GPATCH2L: variants seen among roughly 807,000 people sequenced by gnomAD.
The protein encoded by GPATCH2L is G patch domain-containing protein 2-like.
GPATCH2L carries 31 observed loss-of-function variants against 57.4 expected under a neutral mutation model. The observed-to-expected ratio is 0.54, with a 90% CI of 0.41 to 0.73. The LOEUF is 0.73. GPATCH2L is among the 30% of genes least tolerant of loss of function. The probability of loss-of-function intolerance (pLI) is 0.00; values close to 1 mark genes in which losing one functional copy is unlikely to be tolerated. For synonymous variants in GPATCH2L, 199 were observed against 210.7 expected, an observed-to-expected ratio of 0.94 and a Z score of 0.48; for missense variants, 481 against 599.9, an observed-to-expected ratio of 0.80 and a Z score of 2.07.
At chr14:76,198,069 A>G (rs745871402) in intron 9 of GPATCH2L, among the ~76,000 whole-genome samples, 1 of 146,558 alleles carries the variant, frequency 6.8e-6, no homozygotes, top group African/African-American at 2.5e-5. Flanking sequence ...TACTAATAGT[A>G]ACAAAAGGCC....
rs2038144870 is a variant in GPATCH2L at position 76,153,359 on chromosome 14, A to G, written c.-10-995A>G. 2.0e-5 allele frequency among the ~76,000 whole-genome samples: 3 copies of G among 152,256 alleles called. No individual in the cohort carries two copies. The South Asian group carries it at 6.2e-4, about 31-fold the overall frequency. On this transcript the variant is annotated intron_variant, in intron 1 of 9. Coordinates refer to ENST00000261530, the MANE Select transcript of GPATCH2L (RefSeq NM_017926.4). ...ATTAAATATTTCCCCTTAAGGGGGA[A>G]TTTTGAAGATTGCTCCTACTACTGT... is the stretch of plus-strand genomic sequence containing the variant.
At position 76,212,427 on chromosome 14, in the gene GPATCH2L, G is replaced by A. The variant is rs762320631; in HGVS notation, c.*10576G>A. On this transcript the variant is annotated 3_prime_UTR_variant, in exon 10 of 10. Transcript: ENST00000261530. ...AAAAAAAAAAACCAAAAAAAACCAC[G>A]ACATAATGCTAAAGGGTGTGACTCA... The A allele has an allele frequency of 1.3e-5, 2 of 151,374 alleles. No homozygotes were observed. The highest frequency in any genetic ancestry group is 2.4e-5 in the African/African-American group (1 of 41,278). 9.4% of individuals were successfully genotyped at this position (151,374 alleles called of 1,614,324 possible). A position where few individuals can be genotyped will look rare whatever the true frequency, so the allele number is the denominator to read the frequency against.
intron 3 of GPATCH2L, among the ~76,000 whole-genome samples, chr14:76,167,007 G>A (rs2038873211): frequency 6.6e-6 from 1 of 152,114 alleles, no homozygotes; most frequent in Admixed American, 6.5e-5. Context: ...GGTCTAGGTG[G>A]TCAGAGTGTT....
intron 5 of GPATCH2L, chr14:76,174,016 C>A (rs1045452260): frequency 4.3e-6 from 1 of 234,364 alleles, no homozygotes; most frequent in Non-Finnish European, 8.1e-6. Flanking sequence ...TAATTTTGGT[C>A]TTTCATCCTA....
Position 76,208,802 on chromosome 14 carries a change from T to C in GPATCH2L, c.*6951T>C, listed in dbSNP as rs1193929302. The C allele has an allele frequency of 1.3e-5, 2 of 152,246 alleles. No homozygotes were observed. The highest frequency in any genetic ancestry group is 2.4e-5 in the African/African-American group (1 of 41,444). 9.4% of individuals were successfully genotyped at this position (152,246 alleles called of 1,614,324 possible). A position where few individuals can be genotyped will look rare whatever the true frequency, so the allele number is the denominator to read the frequency against. On this transcript the variant is annotated 3_prime_UTR_variant, in exon 10 of 10. Transcript: ENST00000261530. Reference sequence around the variant, plus strand: ...GTACCACTAAGGTATACTGCCCTTATCTGCACTCTGTCCATTCTGCAGTCT... The same window carrying C: ...GTACCACTAAGGTATACTGCCCTTACCTGCACTCTGTCCATTCTGCAGTCT...
At chr14:76,162,030 C>G (rs555016787) in intron 2 of GPATCH2L, among the ~76,000 whole-genome samples, 9 of 152,052 alleles carry the variant, frequency 5.9e-5, no homozygotes, top group Non-Finnish European at 1.0e-4. Context: ...AGCGAGACTC[C>G]GTCTCAAAAA....
At chr14:76,162,898 G>A (rs916122566) in intron 2 of GPATCH2L, among the ~76,000 whole-genome samples, 2 of 152,122 alleles carry the variant, frequency 1.3e-5, no homozygotes, top group Non-Finnish European at 2.9e-5. Flanking sequence ...TGCTGATAAG[G>A]GATAGTAGTC....
chr14:76,223,124 A>G (rs1008155499), intron 1 of GPATCH2L, among the ~76,000 whole-genome samples: 12 of 152,210 alleles, frequency 7.9e-5, no homozygotes, highest in Non-Finnish European at 4.4e-5. Context: ...AAGAAAAATA[A>G]TTCCCAATTC....
At chr14:76,152,770 GTTT>G in intron 1 of GPATCH2L, 1 of 455,708 alleles carries the variant, frequency 2.2e-6, no homozygotes, top group South Asian at 1.5e-5. Flanking sequence ...TCTGCCTGAG[GTTT>G]TTATTTGTTC....
chr14:76,185,176 G>C (rs2139745167), intron 8 of GPATCH2L, among the ~76,000 whole-genome samples: 1 of 152,302 alleles, frequency 6.6e-6, no homozygotes, highest in East Asian at 1.9e-4. Flanking sequence ...TGGATTGTTG[G>C]CTGGGTGTGT....
At chr14:76,185,320 C>T (rs866961973) in intron 8 of GPATCH2L, among the ~76,000 whole-genome samples, 29 of 152,254 alleles carry the variant, frequency 1.9e-4, no homozygotes, top group South Asian at 6.2e-4. Context: ...GTGTGATTGG[C>T]GTTCTGGTAG....
chr14:76,163,541 A>T (rs1446024136), intron 2 of GPATCH2L, among the ~76,000 whole-genome samples: 1 of 152,232 alleles, frequency 6.6e-6, no homozygotes, highest in Admixed American at 6.5e-5. Context: ...TTTGCATCTT[A>T]TAAAATTTAG....
rs1487700847 is a variant in GPATCH2L, at chr14:76,196,455, T to TG, written c.1288+483_1288+484insG. ...CTTTTCAGTTTTTTTTTTTTTTTTTTTTAACAAAACTAACACTAATTGGTA... is the reference window on the plus strand; with the variant it reads ...CTTTTCAGTTTTTTTTTTTTTTTTTTGTTAACAAAACTAACACTAATTGGTA... On this transcript the variant is annotated intron_variant, in intron 9 of 9. Transcript: ENST00000261530. 4 of 198,562 alleles carry TG rather than the reference T, an allele frequency of 2.0e-5. No homozygotes were observed. In the East Asian group the frequency reaches 5.4e-4, roughly 27 times the overall value. 12.3% of individuals were successfully genotyped at this position (198,562 alleles called of 1,614,324 possible). A position where few individuals can be genotyped will look rare whatever the true frequency, so the allele number is the denominator to read the frequency against.
downstream of GPATCH2L, among the ~76,000 whole-genome samples, chr14:76,214,782 T>C (rs753608965): frequency 4.6e-5 from 7 of 152,214 alleles, no homozygotes; most frequent in Non-Finnish European, 8.8e-5. Flanking sequence ...ACAAACTCTT[T>C]TTGTTTTGCA....
chr14:76,172,135 G>T, intron 4 of GPATCH2L, 116 bp downstream of exon 4: 2 of 589,276 alleles, frequency 3.4e-6, no homozygotes, highest in Non-Finnish European at 5.6e-6. Flanking sequence ...CTGAATTTTG[G>T]AGCTAGCTCA....
intron 3 of GPATCH2L, among the ~76,000 whole-genome samples, chr14:76,167,794 T>C (rs2038912469): frequency 6.6e-6 from 1 of 152,234 alleles, no homozygotes; most frequent in Non-Finnish European, 1.5e-5. Flanking sequence ...TTGATTTTAT[T>C]ATACCAGGAA....
intron 1 of GPATCH2L, among the ~76,000 whole-genome samples, chr14:76,225,263 A>G (rs2040532048): frequency 6.6e-6 from 1 of 152,210 alleles, no homozygotes; most frequent in East Asian, 1.9e-4. Context: ...TGCAAGAATA[A>G]ACAAATAAAA....
intron 3 of GPATCH2L, among the ~76,000 whole-genome samples, chr14:76,169,896 G>A (rs1245046986): frequency 2.0e-5 from 3 of 152,156 alleles, no homozygotes; most frequent in African/African-American, 7.2e-5. Flanking sequence ...TTCTCAAAAC[G>A]TGGTCCCCAG....
chr14:76,188,771 T>G (rs1433495178), intron 8 of GPATCH2L, among the ~76,000 whole-genome samples: 1 of 152,054 alleles, frequency 6.6e-6, no homozygotes, highest in Admixed American at 6.6e-5. Flanking sequence ...ACTCAAAAAA[T>G]TTTTGCCCAG....
Sources: gnomAD v4.1 joint callset for allele counts (sites outside exome capture counted in the v4.1 genomes callset) on GRCh38, gnomAD v4.1.1 for gene constraint, MANE v1.5 for transcripts, NCBI Gene and HGNC (gene_info 2026-07-23, HGNC 2026-07-21) for gene names.